The following TLE1 variants were observed in gnomAD, a reference collection of about 807,000 sequenced individuals.
TLE1 encodes the protein TLE family member 1, transcriptional corepressor.
Under a neutral mutation model 89.8 loss-of-function variants are expected in TLE1, and 21 were observed. The ratio of observed to expected loss-of-function variants is 0.23; its 90% CI spans 0.17 to 0.34. TLE1 has a LOEUF of 0.34. Ranked by LOEUF, TLE1 falls within the 10% of genes least tolerant of loss-of-function variation. The pLI is 1.00. For synonymous variants in TLE1, 447 were observed against 407.6 expected (o/e 1.10, Z -1.16); for missense variants, 795 against 1,031.2 (o/e 0.77, Z 3.14).
At chr9:81,679,744 TCA>T (rs1485482652) in intron 4 of TLE1, among the ~76,000 whole-genome samples, 3 of 152,046 alleles carry the variant, frequency 2.0e-5, no homozygotes, top group Admixed American at 1.3e-4. Context: ...TTTTTAAAAA[TCA>T]GAGGCAACAA....
At chr9:81,610,653 T>G (rs760958215) in intron 13 of TLE1, among the ~76,000 whole-genome samples, 1 of 152,142 alleles carries the variant, frequency 6.6e-6, no homozygotes, top group Non-Finnish European at 1.5e-5. Flanking sequence ...AACAGTTCTT[T>G]TCTTTGTTAG....
chr9:81,591,089 A>T, intron 15 of TLE1, 37 bp from the exon 16 acceptor site: 1 of 1,596,630 alleles, frequency 6.3e-7, no homozygotes, highest in Non-Finnish European at 8.6e-7. Flanking sequence ...ATAATGAATT[A>T]CCGAGCAATC....
intron 18 of TLE1, among the ~76,000 whole-genome samples, 173 bp downstream of exon 18, chr9:81,585,332 C>T (rs1828243413): frequency 6.6e-6 from 1 of 152,170 alleles, no homozygotes; most frequent in African/African-American, 2.4e-5. Context: ...ATTAGCAAAA[C>T]AGACTGAAAC....
At chr9:81,604,383 C>T (rs1387413229) in intron 14 of TLE1, among the ~76,000 whole-genome samples, 1 of 152,150 alleles carries the variant, frequency 6.6e-6, no homozygotes, top group East Asian at 1.9e-4. Context: ...GCTGAAGCGA[C>T]AGACAAATTC....
intron 4 of TLE1, among the ~76,000 whole-genome samples, chr9:81,670,421 G>C (rs549103227): frequency 6.6e-6 from 1 of 152,076 alleles, no homozygotes; most frequent in Non-Finnish European, 1.5e-5. Context: ...CGCCTCCCGG[G>C]CTCAAGTGAT....
intron 15 of TLE1, among the ~76,000 whole-genome samples, chr9:81,591,713 A>G (rs147484928): frequency 5.9e-5 from 9 of 152,322 alleles, no homozygotes; most frequent in African/African-American, 1.4e-4. Context: ...GATTAAAGAA[A>G]CTTTAAGCAC....
At chr9:81,654,412 C>A (rs1829913546) in intron 4 of TLE1, among the ~76,000 whole-genome samples, 1 of 152,148 alleles carries the variant, frequency 6.6e-6, no homozygotes, top group Admixed American at 6.5e-5. Flanking sequence ...ACGATCTCGG[C>A]TCACCACAAG....
At chr9:81,619,158 C>A (rs1464132274) in intron 9 of TLE1, among the ~76,000 whole-genome samples, 2 of 152,132 alleles carry the variant, frequency 1.3e-5, no homozygotes, top group South Asian at 2.1e-4. Context: ...ACTGAAAGTA[C>A]ACAATGAAAG....
At chr9:81,679,217 CAT>C (rs1368556840) in intron 4 of TLE1, among the ~76,000 whole-genome samples, 4 of 152,040 alleles carry the variant, frequency 2.6e-5, no homozygotes, top group Admixed American at 6.6e-5. Context: ...TTGATAAAAT[CAT>C]ATATCAACAC....
intron 11 of TLE1, among the ~76,000 whole-genome samples, chr9:81,615,776 T>C (rs1824430993): frequency 6.6e-6 from 1 of 150,608 alleles, no homozygotes; most frequent in Admixed American, 6.6e-5. Context: ...GTGTACACCC[T>C]CTAATCATGG....
At chr9:81,622,471 T>G (rs894203087) in intron 8 of TLE1, among the ~76,000 whole-genome samples, 1 of 152,192 alleles carries the variant, frequency 6.6e-6, no homozygotes, top group African/African-American at 2.4e-5. Context: ...TTTAATGATG[T>G]CAAATGGTAC....
intron 6 of TLE1, among the ~76,000 whole-genome samples, chr9:81,650,330 TCA>T (rs772527523): frequency 6.6e-6 from 1 of 152,204 alleles, no homozygotes; most frequent in Non-Finnish European, 1.5e-5. Context: ...AATTTAAACG[TCA>T]GAGTTTTGCC....
At chr9:81,617,853 G>A (rs1181615597) in intron 9 of TLE1, among the ~76,000 whole-genome samples, 2 of 152,106 alleles carry the variant, frequency 1.3e-5, no homozygotes, top group African/African-American at 2.4e-5. Flanking sequence ...GTGAAACCCC[G>A]TCTCTACTAA....
At chr9:81,617,420 G>A (rs181455829) in intron 9 of TLE1, among the ~76,000 whole-genome samples, 9 of 152,322 alleles carry the variant, frequency 5.9e-5, no homozygotes, top group African/African-American at 1.7e-4. Context: ...CTGTTCAGCC[G>A]GGCACAGTGG....
rs1826943834 is a variant in TLE1 at position 81,633,329 on chromosome 9, C to CA, written c.594+18dup. 1.3e-6 allele frequency: 2 copies of CA among 1,592,936 alleles called. No individual in the cohort carries two copies. The highest frequency in any genetic ancestry group is 1.7e-6 in the Non-Finnish European group (2 of 1,167,996). On this transcript the variant is annotated intron_variant, in intron 8 of 19. Transcript: ENST00000376499. ...TGTGTGTGTGTGTGTGTGTGTGCAG[C>CA]AGGCGTTTGAGTACTTACTGTGCCC...
At chr9:81,621,848 CCTCAGGGA>C (rs1229367909) in intron 8 of TLE1, among the ~76,000 whole-genome samples, 6 of 152,248 alleles carry the variant, frequency 3.9e-5, no homozygotes, top group African/African-American at 1.4e-4. Flanking sequence ...TCTTGGCCCG[CCTCAGGGA>C]CTGACTCTAG....
intron 9 of TLE1, among the ~76,000 whole-genome samples, chr9:81,617,644 G>A (rs1019607176): frequency 6.6e-6 from 1 of 152,232 alleles, no homozygotes; most frequent in Non-Finnish European, 1.5e-5. Context: ...GCAGGTTGCA[G>A]TGAGCTGAGA....
At chr9:81,667,632 A>G (rs1430867371) in intron 4 of TLE1, among the ~76,000 whole-genome samples, 5 of 152,012 alleles carry the variant, frequency 3.3e-5, no homozygotes, top group Non-Finnish European at 7.4e-5. Context: ...CAATTTTGAT[A>G]TATGTATCAA....
intron 15 of TLE1, 120 bp downstream of exon 15, chr9:81,592,905 A>T (rs1829742975): frequency 7.2e-7 from 1 of 1,391,774 alleles, no homozygotes. Context: ...TAACCAACAC[A>T]GGAAACAGAA....
Sources: gnomAD v4.1 joint callset for allele counts (sites outside exome capture counted in the v4.1 genomes callset) on GRCh38, gnomAD v4.1.1 for gene constraint, MANE v1.5 for transcripts, NCBI Gene and HGNC (gene_info 2026-07-23, HGNC 2026-07-21) for gene names.